GSE1: variants seen among roughly 807,000 people sequenced by gnomAD.
GSE1 encodes the protein Gse1 coiled-coil protein.
GSE1 carries 32 observed loss-of-function variants against 112.6 expected under a neutral mutation model. The observed-to-expected ratio is 0.28, with a 90% CI of 0.21 to 0.38. The LOEUF is 0.38. Ranked by LOEUF, GSE1 falls within the 10% of genes least tolerant of loss-of-function variation. The pLI is 1.00. For missense variants in GSE1, 2,348 were observed against 1,699.2 expected, an observed-to-expected ratio of 1.38 and a Z score of -6.71; for synonymous variants, 1,115 against 735.6, an observed-to-expected ratio of 1.52 and a Z score of -8.35.
At chr16:85,521,432 C>G (rs1026016423) in intron 2 of GSE1, among the ~76,000 whole-genome samples, 1 of 152,166 alleles carries the variant, frequency 6.6e-6, no homozygotes. Flanking sequence ...CTTGGGCACA[C>G]TCACTCTCCT....
At chr16:85,348,165 T>G (rs1374031800) in intron 1 of GSE1, among the ~76,000 whole-genome samples, 1 of 151,984 alleles carries the variant, frequency 6.6e-6, no homozygotes, top group Non-Finnish European at 1.5e-5. Context: ...CCATCCATCA[T>G]CCATCCACCC....
rs1044130051 is a variant in GSE1, at chr16:85,260,477, C to A, written c.2283+88670C>A. On this transcript the variant is annotated intron_variant, in intron 1 of 2. Coordinates refer to the GSE1 transcript ENST00000637419. ...CGCTGGGATTACAGGTGCCCGCAACCACACCTGGCTAATTTTTGTATTTTT... is the reference window on the plus strand; with the variant it reads ...CGCTGGGATTACAGGTGCCCGCAACAACACCTGGCTAATTTTTGTATTTTT... Among the ~76,000 whole-genome samples the A allele has an allele frequency of 3.9e-4, 60 of 151,982 alleles. 1 individual carries two copies. The highest frequency in any genetic ancestry group is 1.4e-3 in the African/African-American group (57 of 41,378).
chr16:85,223,330 C>T (rs2075425969), intron 1 of GSE1, among the ~76,000 whole-genome samples: 4 of 152,132 alleles, frequency 2.6e-5, no homozygotes, highest in African/African-American at 9.7e-5. Context: ...CGAGACCAGC[C>T]TGGCCAACAT....
chr16:85,217,438 G>A (rs75793673), intron 1 of GSE1, among the ~76,000 whole-genome samples: 222 of 152,320 alleles, frequency 1.5e-3, no homozygotes, highest in Non-Finnish European at 2.4e-3. Context: ...GTGCCCTGCA[G>A]AGTATGAGAA....
chr16:85,555,613 A>G (rs1260047544), upstream of GSE1: 2 of 909,186 alleles, frequency 2.2e-6, no homozygotes, highest in South Asian at 5.2e-5. Flanking sequence ...CTCACCCAGT[A>G]GCTAAGGGGA....
chr16:85,298,576 C>T (rs574326344), intron 1 of GSE1, among the ~76,000 whole-genome samples: 9 of 152,264 alleles, frequency 5.9e-5, no homozygotes, highest in East Asian at 3.9e-4. Context: ...TCCAGGTGTG[C>T]GCCACCATGC....
intron 11 of GSE1, 95 bp downstream of exon 11, chr16:85,663,709 T>G (rs2052615390): frequency 8.0e-7 from 1 of 1,254,330 alleles, no homozygotes; most frequent in South Asian, 1.4e-5. Flanking sequence ...AGGCAGGATC[T>G]GCGATCACTG....
At position 85,289,755 on chromosome 16, in the gene GSE1, G is replaced by A. The variant is rs541367954; in HGVS notation, c.2284-67708G>A. 8.5e-5 allele frequency among the ~76,000 whole-genome samples: 13 copies of A among 152,278 alleles called. No individual in the cohort carries two copies. The South Asian group carries it at 1.0e-3, about 12-fold the overall frequency. On this transcript the variant is annotated intron_variant, in intron 1 of 2. Transcript: ENST00000637419. ...TGGCAAGGTCCTGGGGCAGTCGCCC[G>A]ATGAGGAACCCAGGCCGGGCTGGTC...
At chr16:85,242,870 A>G (rs1413988693) in intron 1 of GSE1, among the ~76,000 whole-genome samples, 1 of 152,154 alleles carries the variant, frequency 6.6e-6, no homozygotes, top group Non-Finnish European at 1.5e-5. Context: ...GGAGTGCAGT[A>G]GTGTGATCAT....
At position 85,547,878 on chromosome 16, in the gene GSE1, CAAAAA is replaced by C. The variant is rs755865916; in HGVS notation, c.2465-86021_2465-86017del. Among the ~76,000 whole-genome samples the C allele has an allele frequency of 1.1e-3, 99 of 92,258 alleles. No individual in the cohort carries two copies. In the South Asian group the frequency reaches 0.018, roughly 17 times the overall value. The allele number at this position is 92,258 out of a possible 152,430, so 60.5% of individuals were successfully genotyped here. On this transcript the variant is annotated intron_variant, in intron 2 of 2. Coordinates refer to the GSE1 transcript ENST00000637419. ...TGGGTGACAGAATGAGTCTCTGTCT[CAAAAA>C]AAAAAAAAAAAAAATCAGTGTACTT...
At chr16:85,278,636 T>G (rs933998644) in intron 1 of GSE1, among the ~76,000 whole-genome samples, 3 of 152,244 alleles carry the variant, frequency 2.0e-5, no homozygotes, top group African/African-American at 7.2e-5. Flanking sequence ...TACAAGTAAG[T>G]GTCTTGAATT....
At position 85,654,778 on chromosome 16, in the gene GSE1, C is replaced by G. The variant is rs755100291; in HGVS notation, c.600-16C>G. On this transcript the variant is annotated splice_polypyrimidine_tract_variant and intron_variant, in intron 4 of 15. Transcript: ENST00000253458. ...CACTCACCTGTCCCCACCTTGCCCA[C>G]TATCCCCGCCTGCAGCCTCCAGCGG... is the stretch of plus-strand genomic sequence containing the variant. 2 of 1,588,936 alleles carry G rather than the reference C, an allele frequency of 1.3e-6. No homozygotes were observed. Among genetic ancestry groups the G allele is most frequent in the East Asian group, 2.2e-5 (1 of 44,504 alleles).
chr16:85,305,741 G>C (rs1041455264), intron 1 of GSE1, among the ~76,000 whole-genome samples: 1 of 152,156 alleles, frequency 6.6e-6, no homozygotes, highest in Non-Finnish European at 1.5e-5. Flanking sequence ...CTCCCAAAGT[G>C]TCGGGATTAC....
chr16:85,221,524 G>A (rs1414320834), intron 1 of GSE1, among the ~76,000 whole-genome samples: 1 of 152,038 alleles, frequency 6.6e-6, no homozygotes, highest in Non-Finnish European at 1.5e-5. Context: ...CCCTCTACAG[G>A]GATGACCTGG....
chr16:85,606,551 T>C (rs1211836609), upstream of GSE1, among the ~76,000 whole-genome samples: 1 of 152,182 alleles, frequency 6.6e-6, no homozygotes, highest in Non-Finnish European at 1.5e-5. Context: ...ACTTTGCCAC[T>C]GAGTCTGCCC....
chr16:85,273,578 A>T (rs981191727), intron 1 of GSE1, among the ~76,000 whole-genome samples: 1 of 152,142 alleles, frequency 6.6e-6, no homozygotes, highest in Non-Finnish European at 1.5e-5. Flanking sequence ...GTATGAGTCC[A>T]TTCGTATGGG....
At chr16:85,231,912 C>T (rs1904290205) in intron 1 of GSE1, among the ~76,000 whole-genome samples, 2 of 152,228 alleles carry the variant, frequency 1.3e-5, no homozygotes, top group South Asian at 4.1e-4. Context: ...TCTGGGGATA[C>T]CCAATGTTGA....
intron 2 of GSE1, among the ~76,000 whole-genome samples, chr16:85,538,144 G>A (rs2044396103): frequency 6.6e-6 from 1 of 152,236 alleles, no homozygotes; most frequent in Non-Finnish European, 1.5e-5. Context: ...GAGAAGAGAG[G>A]CACGCTGGCC....
intron 2 of GSE1, among the ~76,000 whole-genome samples, chr16:85,635,440 C>T (rs945038839): frequency 2.6e-5 from 4 of 152,180 alleles, no homozygotes; most frequent in African/African-American, 9.7e-5. Flanking sequence ...TGTCAAGAGG[C>T]CGGACAGCTG....
Sources: allele counts gnomAD v4.1 joint callset (sites outside exome capture counted in the v4.1 genomes callset), GRCh38; gene constraint gnomAD v4.1.1; transcripts MANE v1.5; gene names NCBI Gene and HGNC (gene_info 2026-07-23, HGNC 2026-07-21).